Variants in LRRC1 observed in about 807,000 individuals in gnomAD.
LRRC1 encodes leucine-rich repeat-containing protein 1.
Under a neutral mutation model 69.9 loss-of-function variants are expected in LRRC1, and 28 were observed. The observed-to-expected ratio is 0.40, with a 90% CI of 0.30 to 0.55. LRRC1 has a LOEUF of 0.55. Among genes scored for constraint, LRRC1 ranks in the 20% least tolerant of loss-of-function variants. LRRC1 has a pLI of 0.47. For missense variants in LRRC1, 498 were observed against 609.0 expected (o/e 0.82, Z 1.92); for synonymous variants, 236 against 240.2 (o/e 0.98, Z 0.16).
intron 1 of LRRC1, among the ~76,000 whole-genome samples, chr6:53,828,145 G>A (rs1383545453): frequency 7.0e-6 from 1 of 142,322 alleles, no homozygotes; most frequent in African/African-American, 2.6e-5. Context: ...CCATTGGAGA[G>A]TTGGAGGCCC....
In LRRC1 at chr6:53,837,408, A is replaced by C. The variant is rs115628034; in HGVS notation, c.160-4702A>C. ...AGGTGGTTGACCAAAAAGGCAGTCTAGGTTGATGGGGACCGGAGTAGGGAT... is the reference window on the plus strand; with the variant it reads ...AGGTGGTTGACCAAAAAGGCAGTCTCGGTTGATGGGGACCGGAGTAGGGAT... On this transcript the variant is annotated intron_variant, in intron 1 of 13. Coordinates refer to ENST00000370888, the MANE Select transcript of LRRC1 (RefSeq NM_018214.5). Among the ~76,000 whole-genome samples the C allele has an allele frequency of 6.1e-3, 923 of 152,258 alleles. 12 individuals are homozygous for C. Among genetic ancestry groups the C allele is most frequent in the African/African-American group, 0.021 (869 of 41,544 alleles).
intron 1 of LRRC1, among the ~76,000 whole-genome samples, chr6:53,802,112 G>T (rs1280122083): frequency 6.6e-6 from 1 of 152,220 alleles, no homozygotes; most frequent in Non-Finnish European, 1.5e-5. Flanking sequence ...GCATGGCGAT[G>T]TGAAGAGCCT....
chr6:53,900,516 A>C (rs1038484085), intron 8 of LRRC1, among the ~76,000 whole-genome samples: 10 of 152,180 alleles, frequency 6.6e-5, no homozygotes, highest in Admixed American at 5.2e-4. Context: ...GGATTACCCC[A>C]AATAATAAAA....
chr6:53,895,209 C>T lies in LRRC1; in HGVS notation c.447-1289C>T, dbSNP rs370026864. Among the ~76,000 whole-genome samples the T allele has an allele frequency of 6.2e-4, 95 of 152,268 alleles. No individual in the cohort carries two copies. The Middle Eastern group carries it at 0.01, about 16-fold the overall frequency. ...CTGGGATTACAGGGGTGAGCCACCGCGCCCGGCTGGGAGTTTGTCTTTTTA... is the reference window on the plus strand; with the variant it reads ...CTGGGATTACAGGGGTGAGCCACCGTGCCCGGCTGGGAGTTTGTCTTTTTA... On this transcript the variant is annotated intron_variant, in intron 4 of 13. Coordinates refer to ENST00000370888, the MANE Select transcript of LRRC1 (RefSeq NM_018214.5).
chr6:53,844,868 C>T (rs1360266303), intron 2 of LRRC1, among the ~76,000 whole-genome samples: 2 of 152,100 alleles, frequency 1.3e-5, no homozygotes, highest in Non-Finnish European at 2.9e-5. Context: ...GAGGGGAAGA[C>T]AGCATGGAAG....
intron 1 of LRRC1, among the ~76,000 whole-genome samples, chr6:53,816,247 AT>A (rs573696442): frequency 6.6e-6 from 1 of 151,796 alleles, no homozygotes; most frequent in Non-Finnish European, 1.5e-5. Context: ...CAAAATTTAC[AT>A]TTTTTTTCTG....
chr6:53,798,465 T>C (rs1764367375), intron 1 of LRRC1, among the ~76,000 whole-genome samples: 1 of 152,190 alleles, frequency 6.6e-6, no homozygotes, highest in African/African-American at 2.4e-5. Flanking sequence ...TGCAAGCTCC[T>C]CCTTCTGGGT....
chr6:53,901,536 G>T (rs891555350), intron 8 of LRRC1, among the ~76,000 whole-genome samples: 6 of 151,596 alleles, frequency 4.0e-5, no homozygotes, highest in Non-Finnish European at 7.4e-5. Flanking sequence ...ATAGAGTGAG[G>T]CCCTGTCTCT....
intron 1 of LRRC1, among the ~76,000 whole-genome samples, chr6:53,802,541 C>T (rs1045096269): frequency 1.3e-5 from 2 of 152,144 alleles, no homozygotes; most frequent in African/African-American, 2.4e-5. Context: ...CTCAACAAAA[C>T]CTGGCAAGTT....
At chr6:53,853,279 C>CT in intron 2 of LRRC1, among the ~76,000 whole-genome samples, 1 of 133,136 alleles carries the variant, frequency 7.5e-6, no homozygotes, top group African/African-American at 3.0e-5. Flanking sequence ...ACAGGTGGTT[C>CT]ATATTTTTTT....
Position 53,882,947 on chromosome 6 carries a change from A to G in LRRC1, c.417A>G (p.Ser139=), listed in dbSNP as rs1767348861. Residue 139 remains serine (S), a synonymous_variant, in exon 4 of 14, where the codon TCA becomes TCG. Transcript: ENST00000370888. Reference sequence around the variant, plus strand: ...CATGTCTTTCTGTAAATGACATCTCACTACAGTCTCTACCTGAAAATATTG... The same window carrying G: ...CATGTCTTTCTGTAAATGACATCTCGCTACAGTCTCTACCTGAAAATATTG... ...NLTCLSVNDI[S]LQSLPENIGN... The G allele has an allele frequency of 1.2e-6, 2 of 1,610,406 alleles. No homozygotes were observed. Among genetic ancestry groups the G allele is most frequent in the South Asian group, 2.2e-5 (2 of 90,012 alleles).
intron 3 of LRRC1, among the ~76,000 whole-genome samples, chr6:53,882,686 A>G (rs772810855): frequency 6.6e-6 from 1 of 152,178 alleles, no homozygotes; most frequent in African/African-American, 2.4e-5. Context: ...GCCCCTGTAC[A>G]TCTATTATGT....
intron 2 of LRRC1, among the ~76,000 whole-genome samples, chr6:53,860,975 A>G (rs1013736422): frequency 2.6e-5 from 4 of 151,940 alleles, no homozygotes; most frequent in African/African-American, 7.2e-5. Flanking sequence ...AGTGGGCGCT[A>G]AACACTGAGA....
intron 1 of LRRC1, among the ~76,000 whole-genome samples, chr6:53,840,279 A>AT (rs562426145): frequency 1.8e-3 from 267 of 152,190 alleles, no homozygotes; most frequent in African/African-American, 5.4e-3. Flanking sequence ...GGGAATAATG[A>AT]TTTTTTTGGA....
chr6:53,870,349 T>G (rs1466351916), intron 2 of LRRC1, among the ~76,000 whole-genome samples: 2 of 152,206 alleles, frequency 1.3e-5, no homozygotes, highest in Admixed American at 6.5e-5. Flanking sequence ...TCCCTGTGCT[T>G]CTTTGAGTTT....
intron 1 of LRRC1, among the ~76,000 whole-genome samples, chr6:53,798,442 G>A (rs925096464): frequency 7.9e-5 from 12 of 152,116 alleles, no homozygotes; most frequent in African/African-American, 2.4e-4. Context: ...GCAGTGGCAC[G>A]ATCTCCACTC....
chr6:53,903,328 G>T (rs1232016087), intron 9 of LRRC1, among the ~76,000 whole-genome samples: 2 of 151,990 alleles, frequency 1.3e-5, no homozygotes. Flanking sequence ...CCAGACAAGG[G>T]CAGGGGCAAT....
chr6:53,919,629 G>A lies in LRRC1; in HGVS notation c.1238G>A (p.Cys413Tyr). ...ACCACAGGAGAGAAGATTTTAACCT[G>A]TGTCTTACTTCCTCAGCTGCCTTCT... ...DYTTGEKILT[C>Y]VLLPQLPSEP... Residue 413 changes from cysteine (C) to tyrosine (Y), a missense_variant, in exon 12 of 14, where the codon TGT becomes TAT. Cys to Tyr is a radical substitution (Grantham distance 194). Coordinates refer to ENST00000370888, the MANE Select transcript of LRRC1 (RefSeq NM_018214.5). 5 of 1,613,754 alleles carry A rather than the reference G, an allele frequency of 3.1e-6. No homozygotes were observed. The highest frequency in any genetic ancestry group is 4.2e-6 in the Non-Finnish European group (5 of 1,179,876).
chr6:53,880,508 G>A (rs577285142), intron 3 of LRRC1, among the ~76,000 whole-genome samples: 4 of 152,202 alleles, frequency 2.6e-5, no homozygotes, highest in Non-Finnish European at 5.9e-5. Context: ...AGTTACCTGT[G>A]CTGGACATCA....
Sources: gnomAD v4.1 joint callset for allele counts (sites outside exome capture counted in the v4.1 genomes callset) on GRCh38, gnomAD v4.1.1 for gene constraint, MANE v1.5 for transcripts, NCBI Gene and HGNC (gene_info 2026-07-23, HGNC 2026-07-21) for gene names.